Variants in ATP13A4 observed in about 807,000 individuals in gnomAD.
ATP13A4 encodes probable cation-transporting ATPase 13A4.
A neutral mutation model predicts 142.5 loss-of-function variants in ATP13A4; 114 were observed. The ratio of observed to expected loss-of-function variants is 0.80; its 90% CI spans 0.69 to 0.93. The LOEUF (loss-of-function observed/expected upper bound fraction) is 0.93. Among genes scored for constraint, ATP13A4 ranks in the 40% least tolerant of loss-of-function variants. The pLI, the probability that ATP13A4 is intolerant of heterozygous loss-of-function variation, is 0.00. For synonymous variants in ATP13A4, 488 were observed against 514.8 expected (o/e 0.95, Z 0.70); for missense variants, 1,392 against 1,454.0 (o/e 0.96, Z 0.69).
chr3:193,405,141 G>A (rs1300961267), intron 29 of ATP13A4, among the ~76,000 whole-genome samples: 2 of 152,138 alleles, frequency 1.3e-5, no homozygotes, highest in African/African-American at 2.4e-5. Context: ...GCCAGGATTC[G>A]AACCCACCCA....
In ATP13A4 at chr3:193,573,308, C is replaced by CGTATATATATATATTCTTATATAT. The variant is rs1229145689; in HGVS notation, n.291+8398_291+8399insATATATAAGAATATATATATATAC. ...ATATATACACATATATATATATATA[C>CGTATATATATATATTCTTATATAT]ATATATATATATATATATAATTTGT... On this transcript the variant is annotated intron_variant and non_coding_transcript_variant, in intron 2 of 3. Coordinates refer to the ATP13A4 transcript ENST00000489140. Among the ~76,000 whole-genome samples the CGTATATATATATATTCTTATATAT allele has an allele frequency of 3.4e-4, 35 of 103,658 alleles. 2 individuals carry two copies. Among genetic ancestry groups the CGTATATATATATATTCTTATATAT allele is most frequent in the African/African-American group, 1.3e-3 (27 of 21,176 alleles). The allele number at this position is 103,658 out of a possible 152,430, so 68.0% of individuals were successfully genotyped here. A position where few individuals can be genotyped will look rare whatever the true frequency, so the allele number is the denominator to read the frequency against.
chr3:193,454,321 A>C (rs970391110), intron 16 of ATP13A4, 109 bp from the exon 17 acceptor site: 2 of 776,976 alleles, frequency 2.6e-6, no homozygotes, highest in Admixed American at 2.0e-5. Flanking sequence ...ACACTTCTAC[A>C]AAGATATGTA....
At chr3:193,471,120 C>A in intron 8 of ATP13A4, 127 bp from the exon 9 acceptor site, 1 of 1,230,666 alleles carries the variant, frequency 8.1e-7, no homozygotes, top group South Asian at 1.3e-5. Flanking sequence ...GGAGAACATT[C>A]CTCAACATTG....
At chr3:193,440,289 A>G in intron 21 of ATP13A4, 1 of 454,344 alleles carries the variant, frequency 2.2e-6, no homozygotes, top group East Asian at 5.0e-5. Context: ...GTTCTAGTCC[A>G]GTGGTTCTCA....
chr3:193,581,902 G>C (rs1363507107), exon 2 of ATP13A4: 1 of 152,070 alleles, frequency 6.6e-6, no homozygotes, highest in African/African-American at 2.4e-5. Flanking sequence ...ACAGAAAAGA[G>C]AAGTCTGGAA....
Position 193,448,242 on chromosome 3 carries a change from G to A in ATP13A4, c.2116C>T (p.Leu706Phe). ...ACAGTCCTTATCCGGGCTGAGATGA[G>A]CTCTTCCAAGACAGGTTTTGTCTCT... ...KEETKPVLEE[L>F]ISARIRTVMI... is the part of the protein sequence containing the mutation. The change falls in exon 18 of 30, where the codon CTC (leucine) becomes TTC (phenylalanine). Residue 706 changes from leucine to phenylalanine, a missense_variant. Coordinates refer to ENST00000342695, the MANE Select transcript of ATP13A4 (RefSeq NM_032279.4). The A allele has an allele frequency of 6.2e-7, 1 of 1,614,106 alleles. No individual in the cohort carries two copies. The highest frequency in any genetic ancestry group is 8.5e-7 in the Non-Finnish European group (1 of 1,180,030).
At chr3:193,560,501 C>T (rs964160772) in intron 2 of ATP13A4, among the ~76,000 whole-genome samples, 1 of 152,176 alleles carries the variant, frequency 6.6e-6, no homozygotes, top group Non-Finnish European at 1.5e-5. Context: ...AGCCACCATG[C>T]CCGGCTGCTA....
chr3:193,457,675 ATTAT>A (rs1717712785), intron 14 of ATP13A4, among the ~76,000 whole-genome samples: 2 of 152,210 alleles, frequency 1.3e-5, no homozygotes, highest in Non-Finnish European at 2.9e-5. Flanking sequence ...ACACTTTTGA[ATTAT>A]TCATGCAATT....
chr3:193,582,744 AAT>A (rs1724588348), intron 1 of ATP13A4, among the ~76,000 whole-genome samples: 2 of 60,118 alleles, frequency 3.3e-5, no homozygotes, highest in Admixed American at 2.1e-4. Context: ...ATATATGTAT[AAT>A]ACATATATAA....
intron 13 of ATP13A4, among the ~76,000 whole-genome samples, chr3:193,459,690 C>T (rs905188498): frequency 1.4e-4 from 21 of 152,158 alleles, no homozygotes; most frequent in African/African-American, 3.6e-4. Context: ...CCACCTGCGT[C>T]GGCCTCCCAA....
intron 5 of ATP13A4, 141 bp downstream of exon 5, chr3:193,492,776 A>G: frequency 1.4e-6 from 1 of 697,400 alleles, no homozygotes; most frequent in Non-Finnish European, 2.4e-6. Flanking sequence ...ATGTATGTGA[A>G]AGATTTAATT....
chr3:193,432,742 AG>A (rs1198419526), intron 25 of ATP13A4, among the ~76,000 whole-genome samples: 3 of 151,944 alleles, frequency 2.0e-5, no homozygotes, highest in Admixed American at 6.6e-5. Flanking sequence ...TAATAATAAA[AG>A]AAAAGAAAAG....
chr3:193,448,448 G>T, intron 17 of ATP13A4, 118 bp from the exon 18 acceptor site: 2 of 1,310,552 alleles, frequency 1.5e-6, no homozygotes, highest in East Asian at 2.4e-5. Flanking sequence ...TCATTCTCCT[G>T]CCTCAGCTTC....
chr3:193,500,267 T>C (rs1175215254), intron 3 of ATP13A4, among the ~76,000 whole-genome samples: 2 of 152,164 alleles, frequency 1.3e-5, no homozygotes, highest in African/African-American at 4.8e-5. Context: ...TTGTAATTTC[T>C]TGTTAGAACA....
intron 1 of ATP13A4, among the ~76,000 whole-genome samples, chr3:193,530,908 C>G (rs1211986159): frequency 6.6e-6 from 1 of 152,142 alleles, no homozygotes; most frequent in East Asian, 1.9e-4. Context: ...CTCCTCATCC[C>G]ACCCCACCAC....
At chr3:193,402,963 T>C (rs1171522039) in intron 29 of ATP13A4, 99 bp from the exon 30 acceptor site, 5 of 1,070,766 alleles carry the variant, frequency 4.7e-6, no homozygotes, top group Non-Finnish European at 6.9e-6. Flanking sequence ...AATGGTTGCT[T>C]AGATCCAGCT....
intron 1 of ATP13A4, among the ~76,000 whole-genome samples, chr3:193,552,680 C>G (rs374000946): frequency 1.3e-5 from 2 of 152,158 alleles, no homozygotes; most frequent in East Asian, 3.9e-4. Flanking sequence ...TCCGGAAGAA[C>G]TGGAAAAGGT....
At chr3:193,408,821 T>A (rs142391457) in intron 28 of ATP13A4, among the ~76,000 whole-genome samples, 66 of 152,304 alleles carry the variant, frequency 4.3e-4, no homozygotes, top group African/African-American at 1.5e-3. Flanking sequence ...TAAACCCACA[T>A]CACAGTGTGA....
At chr3:193,563,979 A>G (rs1306478967) in intron 2 of ATP13A4, among the ~76,000 whole-genome samples, 1 of 152,358 alleles carries the variant, frequency 6.6e-6, no homozygotes, top group East Asian at 1.9e-4. Context: ...GTACTTGAGA[A>G]ATGTTTTCTT....
Sources: allele counts gnomAD v4.1 joint callset (sites outside exome capture counted in the v4.1 genomes callset), GRCh38; gene constraint gnomAD v4.1.1; transcripts MANE v1.5; gene names NCBI Gene and HGNC (gene_info 2026-07-23, HGNC 2026-07-21).